P4HA3: variants seen among roughly 807,000 people sequenced by gnomAD.
P4HA3 encodes the protein prolyl 4-hydroxylase subunit alpha 3.
In P4HA3, 60 loss-of-function variants were observed where a neutral mutation model predicts 66.7. That is an observed-to-expected ratio of 0.90 (90% CI 0.73 to 1.12). The LOEUF (loss-of-function observed/expected upper bound fraction) is 1.12, where lower values mean the gene tolerates loss of function less well. Among genes scored for constraint, P4HA3 ranks in the 50% most tolerant of loss-of-function variants. P4HA3 has a pLI of 0.00. For synonymous variants in P4HA3, 263 were observed against 274.6 expected, an observed-to-expected ratio of 0.96 and a Z score of 0.42; for missense variants, 683 against 685.8, an observed-to-expected ratio of 1.00 and a Z score of 0.05.
downstream of P4HA3, among the ~76,000 whole-genome samples, chr11:74,263,096 A>G (rs1381721105): frequency 6.6e-6 from 1 of 152,176 alleles, no homozygotes; most frequent in African/African-American, 2.4e-5. Flanking sequence ...AGCTCCCACA[A>G]TCCTTAGGAT....
At chr11:74,250,946 C>T (rs1056306562) in intron 15 of P4HA3, 8 of 1,593,798 alleles carry the variant, frequency 5.0e-6, no homozygotes, top group Non-Finnish European at 6.8e-6. Flanking sequence ...GCTTTGATTC[C>T]TCTCCAGGGA....
chr11:74,286,462 G>T (rs1860806606), intron 5 of P4HA3, 71 bp from the exon 6 acceptor site: 2 of 1,395,982 alleles, frequency 1.4e-6, no homozygotes, highest in Admixed American at 5.1e-5. Context: ...TGCCACCAAG[G>T]TTTCCTCCAG....
chr11:74,290,181 T>C (rs1860961405), intron 4 of P4HA3, among the ~76,000 whole-genome samples: 1 of 152,146 alleles, frequency 6.6e-6, no homozygotes, highest in South Asian at 2.1e-4. Context: ...GATTTGCATT[T>C]CTCTGATGGC....
chr11:74,250,975 TA>T (rs1233134046), intron 15 of P4HA3: 1 of 1,602,290 alleles, frequency 6.2e-7, no homozygotes, highest in Non-Finnish European at 8.5e-7. Flanking sequence ...ATGCAGGTCC[TA>T]CCCCAGTGTG....
chr11:74,310,600 C>A (rs907596477), intron 1 of P4HA3, among the ~76,000 whole-genome samples: 11 of 152,220 alleles, frequency 7.2e-5, no homozygotes, highest in Admixed American at 2.0e-4. Flanking sequence ...CCAAACTCCT[C>A]GAGGGCAGAG....
intron 3 of P4HA3, among the ~76,000 whole-genome samples, chr11:74,299,681 A>AC (rs1308092316): frequency 1.5e-4 from 23 of 151,938 alleles, no homozygotes; most frequent in African/African-American, 5.5e-4. Flanking sequence ...AAAAAAAAAA[A>AC]AACAACAGAA....
intron 8 of P4HA3, 80 bp downstream of exon 8, chr11:74,279,308 T>C: frequency 3.8e-6 from 5 of 1,316,184 alleles, no homozygotes; most frequent in South Asian, 3.5e-5. Flanking sequence ...GGTCCCTGAA[T>C]GGCTGTTGCT....
intron 4 of P4HA3, among the ~76,000 whole-genome samples, chr11:74,296,571 A>C (rs543062584): frequency 2.0e-5 from 3 of 152,184 alleles, no homozygotes; most frequent in Non-Finnish European, 4.4e-5. Flanking sequence ...AGGAGAACTC[A>C]GGAAGACTTC....
rs1450543968 is a variant in P4HA3, at chr11:74,302,480, T to C, written c.456A>G (p.Lys152=). Residue 152 remains lysine (K), a synonymous_variant, in exon 3 of 13, where the codon AAA becomes AAG. Transcript: ENST00000331597. ...RLQDVYMLNV[K]GLARGVFQRV... The stretch of plus-strand genomic sequence containing the variant: ...TCTGAAAGACACCTCGGGCCAGGCC[T>C]TTCACATTGAGCATGTACACGTCCT... 39 of 1,614,054 alleles carry C rather than the reference T, an allele frequency of 2.4e-5. No individual in the cohort carries two copies. The highest frequency in any genetic ancestry group is 3.1e-5 in the Non-Finnish European group (37 of 1,180,030).
Position 74,267,192 on chromosome 11 carries a change from G to T in P4HA3, c.*56C>A. 1 of 1,611,996 alleles carries T rather than the reference G, an allele frequency of 6.2e-7. No homozygotes were observed. The highest frequency in any genetic ancestry group is 8.5e-7 in the Non-Finnish European group (1 of 1,179,478). Reference sequence around the variant, plus strand: ...TTCTCCTCTCCTACCCCAGCTTTTGGCTCCTGGCTTCTCTGGAAAGCCACA... The same window carrying T: ...TTCTCCTCTCCTACCCCAGCTTTTGTCTCCTGGCTTCTCTGGAAAGCCACA... On this transcript the variant is annotated 3_prime_UTR_variant, in exon 13 of 13. Transcript: ENST00000331597.
At chr11:74,251,776 C>G (rs889167612) in intron 15 of P4HA3, 1 of 1,584,240 alleles carries the variant, frequency 6.3e-7, no homozygotes, top group Admixed American at 1.7e-5. Flanking sequence ...CAAGCAGACA[C>G]TTGTAGGACT....
At chr11:74,310,228 T>C (rs544518573) in intron 1 of P4HA3, among the ~76,000 whole-genome samples, 1 of 152,246 alleles carries the variant, frequency 6.6e-6, no homozygotes, top group South Asian at 2.1e-4. Context: ...TGGTATCATA[T>C]ACAATCATTT....
At chr11:74,303,537 T>G (rs1039888586) in intron 2 of P4HA3, among the ~76,000 whole-genome samples, 4 of 151,968 alleles carry the variant, frequency 2.6e-5, no homozygotes, top group African/African-American at 7.2e-5. Context: ...CCTCCCAAAG[T>G]GCTGGGATTA....
At chr11:74,302,230 C>A (rs191548806) in intron 3 of P4HA3, 139 bp downstream of exon 3, 1 of 853,682 alleles carries the variant, frequency 1.2e-6, no homozygotes, top group African/African-American at 1.7e-5. Context: ...ATCTTGTTTT[C>A]TTTCTCTGAA....
At chr11:74,280,282 T>C (rs940914279) in intron 7 of P4HA3, among the ~76,000 whole-genome samples, 43 of 151,458 alleles carry the variant, frequency 2.8e-4, no homozygotes, top group African/African-American at 9.7e-4. Flanking sequence ...GCCTCCCAAA[T>C]AGCTGGGACC....
chr11:74,267,270 C>A lies in P4HA3; in HGVS notation c.1613G>T (p.Cys538Phe). 6.2e-7 allele frequency: 1 copy of A among 1,614,228 alleles called. No individual in the cohort carries two copies. The highest frequency in any genetic ancestry group is 8.5e-7 in the Non-Finnish European group (1 of 1,180,042). The change falls in exon 13 of 13, where the codon TGC (cysteine) becomes TTC (phenylalanine). Residue 538 changes from cysteine (C) to phenylalanine (F), a missense_variant. By Grantham distance (205) the Cys-to-Phe change is radical (BLOSUM62 -2). Transcript: ENST00000331597. ...AGTTCAGTCTTCAGGGCTGGAGCTG[C>A]AGGGTCTGCGGAATTCCTGTCCATA... ...HEYGQEFRRPCSSSPED is the reference protein window; with the variant it reads ...HEYGQEFRRPFSSSPED
At chr11:74,259,972 G>A (rs1202520109) in exon 15 of P4HA3, 1 of 152,144 alleles carries the variant, frequency 6.6e-6, no homozygotes. Context: ...TTATCTTTCT[G>A]AGAAATCACC....
At chr11:74,250,984 G>T in intron 15 of P4HA3, 1 of 1,602,518 alleles carries the variant, frequency 6.2e-7, no homozygotes, top group Non-Finnish European at 8.5e-7. Context: ...CTACCCCAGT[G>T]TGGCCATGCA....
chr11:74,287,487 G>T (rs1041653121), intron 5 of P4HA3, among the ~76,000 whole-genome samples: 3 of 152,088 alleles, frequency 2.0e-5, no homozygotes, highest in African/African-American at 7.2e-5. Flanking sequence ...GGATAGCAAA[G>T]ATTTTAATAG....
Sources: gnomAD v4.1 joint callset for allele counts (sites outside exome capture counted in the v4.1 genomes callset) on GRCh38, gnomAD v4.1.1 for gene constraint, MANE v1.5 for transcripts, NCBI Gene and HGNC (gene_info 2026-07-23, HGNC 2026-07-21) for gene names.